Variants in HPSE2 observed in about 807,000 individuals in gnomAD.
The protein encoded by HPSE2 is inactive heparanase-2.
HPSE2 carries 38 observed loss-of-function variants against 60.5 expected under a neutral mutation model. The ratio of observed to expected loss-of-function variants is 0.63; its 90% CI spans 0.48 to 0.82. The LOEUF (loss-of-function observed/expected upper bound fraction) is 0.82. Ranked by LOEUF, HPSE2 falls within the 40% of genes least tolerant of loss-of-function variation. The pLI is 0.00. For missense variants in HPSE2, 713 were observed against 740.4 expected, an observed-to-expected ratio of 0.96 and a Z score of 0.43; for synonymous variants, 295 against 293.2, an observed-to-expected ratio of 1.01 and a Z score of -0.06.
chr10:98,609,550 C>A (rs1445540728), intron 9 of HPSE2, among the ~76,000 whole-genome samples: 1 of 152,060 alleles, frequency 6.6e-6, no homozygotes, highest in African/African-American at 2.4e-5. Context: ...CAAAGAAAAC[C>A]ACTTTTAACA....
At chr10:98,889,988 C>T (rs946503565) in intron 3 of HPSE2, among the ~76,000 whole-genome samples, 1 of 152,144 alleles carries the variant, frequency 6.6e-6, no homozygotes, top group Admixed American at 6.5e-5. Context: ...ACATGAGACT[C>T]AAACAGTGGT....
the HPSE2 span, among the ~76,000 whole-genome samples, chr10:99,263,877 C>A: frequency 6.6e-6 from 1 of 152,160 alleles, no homozygotes; most frequent in African/African-American, 2.4e-5. Flanking sequence ...CCCCAGTCCA[C>A]CACTCTTGAC....
At chr10:98,753,711 C>T (rs1365633873) in intron 3 of HPSE2, among the ~76,000 whole-genome samples, 1 of 152,146 alleles carries the variant, frequency 6.6e-6, no homozygotes, top group Non-Finnish European at 1.5e-5. Context: ...GGTACCAGCC[C>T]CCCAGGGTTA....
intron 9 of HPSE2, among the ~76,000 whole-genome samples, chr10:98,581,974 T>G (rs1026140249): frequency 6.8e-6 from 1 of 146,664 alleles, no homozygotes; most frequent in African/African-American, 2.5e-5. Context: ...CACACACATG[T>G]TCCTTGTGAG....
At chr10:99,150,144 T>A (rs1473834406) in intron 2 of HPSE2, among the ~76,000 whole-genome samples, 3 of 152,194 alleles carry the variant, frequency 2.0e-5, no homozygotes, top group Admixed American at 2.0e-4. Context: ...GCACCAAAGT[T>A]GATGCACTAG....
intron 2 of HPSE2, among the ~76,000 whole-genome samples, chr10:99,157,429 G>T (rs1356858048): frequency 1.1e-5 from 1 of 95,060 alleles, no homozygotes; most frequent in Non-Finnish European, 2.2e-5. Context: ...ACAGAACAGA[G>T]CCCTCAGAAA....
intron 2 of HPSE2, among the ~76,000 whole-genome samples, chr10:99,226,208 C>G (rs1298625399): frequency 6.6e-6 from 1 of 151,988 alleles, no homozygotes; most frequent in African/African-American, 2.4e-5. Flanking sequence ...GTCTCTCTCT[C>G]TCTAAGGTCT....
intron 3 of HPSE2, among the ~76,000 whole-genome samples, chr10:98,910,653 T>C (rs1224279788): frequency 2.0e-5 from 3 of 152,176 alleles, no homozygotes; most frequent in Admixed American, 2.0e-4. Flanking sequence ...AGAGGAACAG[T>C]AATCTCTCAG....
At chr10:98,568,148 A>G (rs1050267782) in intron 9 of HPSE2, among the ~76,000 whole-genome samples, 3 of 152,198 alleles carry the variant, frequency 2.0e-5, no homozygotes, top group Admixed American at 6.5e-5. Flanking sequence ...CAGCATGTCA[A>G]GAAGGATGCA....
intron 9 of HPSE2, among the ~76,000 whole-genome samples, chr10:98,529,336 T>A (rs1278459132): frequency 6.6e-6 from 1 of 152,238 alleles, no homozygotes. Context: ...TGATTGATAG[T>A]GATCTCTATC....
At chr10:99,198,102 CA>C (rs1848462118) in intron 2 of HPSE2, among the ~76,000 whole-genome samples, 1 of 151,574 alleles carries the variant, frequency 6.6e-6, no homozygotes, top group African/African-American at 2.4e-5. Flanking sequence ...TCCAAGGCCA[CA>C]GTAATTTATT....
chr10:98,983,569 C>T (rs964507566), intron 3 of HPSE2, among the ~76,000 whole-genome samples: 1 of 152,222 alleles, frequency 6.6e-6, no homozygotes, highest in Non-Finnish European at 1.5e-5. Context: ...TCTTCTAGCA[C>T]AGACAAAGTC....
rs563068776 is a variant in HPSE2 at position 98,936,335 on chromosome 10, C to T, written c.611-192279G>A. Among the ~76,000 whole-genome samples, 20 of 144,002 alleles carry T rather than the reference C, an allele frequency of 1.4e-4. 3 individuals carry two copies. Among genetic ancestry groups the T allele is most frequent in the African/African-American group, 5.6e-4 (20 of 35,514 alleles). 94.5% of individuals were successfully genotyped at this position (144,002 alleles called of 152,430 possible). ...ACTGTTCTCCTGTCTCACTAGAGTTCCAAGTGCCACTGGAGTATGTAAAAA... is the reference window on the plus strand; with the variant it reads ...ACTGTTCTCCTGTCTCACTAGAGTTTCAAGTGCCACTGGAGTATGTAAAAA... On this transcript the variant is annotated intron_variant, in intron 3 of 11. Transcript: ENST00000370552.
intron 9 of HPSE2, among the ~76,000 whole-genome samples, chr10:98,537,117 G>T (rs553861343): frequency 6.6e-5 from 10 of 152,232 alleles, no homozygotes; most frequent in Non-Finnish European, 1.2e-4. Context: ...AGATGAAGGA[G>T]TAAGTTAAGT....
intron 2 of HPSE2, among the ~76,000 whole-genome samples, chr10:99,170,512 A>G (rs1847268472): frequency 1.3e-5 from 2 of 152,180 alleles, no homozygotes; most frequent in South Asian, 2.1e-4. Flanking sequence ...ATCAGCATAA[A>G]TCATTCATAT....
chr10:99,066,640 A>G (rs1029269288), intron 3 of HPSE2, among the ~76,000 whole-genome samples: 9 of 152,172 alleles, frequency 5.9e-5, no homozygotes, highest in African/African-American at 2.2e-4. Context: ...CACTACCATG[A>G]GAACAGTATG....
chr10:99,181,397 CAAAAAAAA>C (rs58049545), intron 2 of HPSE2, among the ~76,000 whole-genome samples: 13 of 104,768 alleles, frequency 1.2e-4, no homozygotes, highest in South Asian at 2.8e-4. Flanking sequence ...GACTCCGTCT[CAAAAAAAA>C]AAAAAAAAAA....
At chr10:98,519,185 TATC>T (rs754925088) in intron 9 of HPSE2, among the ~76,000 whole-genome samples, 2 of 152,238 alleles carry the variant, frequency 1.3e-5, no homozygotes, top group South Asian at 2.1e-4. Context: ...TTTGGCTAGA[TATC>T]ATCATCATCA....
chr10:98,982,908 C>G (rs1459561482), intron 3 of HPSE2, among the ~76,000 whole-genome samples: 1 of 152,140 alleles, frequency 6.6e-6, no homozygotes, highest in Non-Finnish European at 1.5e-5. Context: ...CTCTAGAAAA[C>G]ATGAAAAACA....
Sources: gnomAD v4.1 joint callset for allele counts (sites outside exome capture counted in the v4.1 genomes callset) on GRCh38, gnomAD v4.1.1 for gene constraint, MANE v1.5 for transcripts, NCBI Gene and HGNC (gene_info 2026-07-23, HGNC 2026-07-21) for gene names.